DNM1L: variants seen among roughly 807,000 people sequenced by gnomAD.
The protein encoded by DNM1L is dynamin 1L, also known as dynamin-1-like protein.
A neutral mutation model predicts 92.8 loss-of-function variants in DNM1L; 33 were observed. That is an observed-to-expected ratio of 0.36 (90% CI 0.27 to 0.48). DNM1L has a LOEUF of 0.48. DNM1L is among the 20% of genes least tolerant of loss of function. The probability of loss-of-function intolerance (pLI) is 0.99; values close to 1 mark genes in which losing one functional copy is unlikely to be tolerated. For synonymous variants in DNM1L, 284 were observed against 305.0 expected, an observed-to-expected ratio of 0.93 and a Z score of 0.72; for missense variants, 485 against 888.8, an observed-to-expected ratio of 0.55 and a Z score of 5.78.
chr12:32,738,337 G>GT (rs766199610), intron 16 of DNM1L, 41 bp downstream of exon 16: 4 of 1,609,840 alleles, frequency 2.5e-6, no homozygotes, highest in Non-Finnish European at 2.5e-6. Flanking sequence ...GGTACCTTTG[G>GT]TTCTCACTGA....
At chr12:32,730,560 T>C (rs192511475) in intron 9 of DNM1L, among the ~76,000 whole-genome samples, 3 of 152,364 alleles carry the variant, frequency 2.0e-5, no homozygotes, top group South Asian at 2.1e-4. Context: ...TGGCTGCTTA[T>C]GTGCTTAATG....
chr12:32,700,744 A>G (rs749027846), intron 1 of DNM1L, among the ~76,000 whole-genome samples: 1 of 152,016 alleles, frequency 6.6e-6, no homozygotes, highest in Non-Finnish European at 1.5e-5. Context: ...ACACACTGTA[A>G]TAATAATAAT....
At chr12:32,712,674 A>G (rs1254635475) in intron 5 of DNM1L, among the ~76,000 whole-genome samples, 2 of 150,508 alleles carry the variant, frequency 1.3e-5, no homozygotes, top group African/African-American at 4.9e-5. Context: ...AAAAAAAAAA[A>G]AAAAGAAAAA....
intron 1 of DNM1L, among the ~76,000 whole-genome samples, chr12:32,701,014 C>T (rs1952676805): frequency 1.3e-5 from 2 of 152,148 alleles, no homozygotes; most frequent in East Asian, 3.9e-4. Context: ...TGGTGGCTTA[C>T]ACCTGTAATC....
At chr12:32,703,984 C>CTA (rs1353503179) in intron 2 of DNM1L, among the ~76,000 whole-genome samples, 2 of 152,082 alleles carry the variant, frequency 1.3e-5, no homozygotes, top group Non-Finnish European at 2.9e-5. Flanking sequence ...AAAAACAATA[C>CTA]TAAACTATGT....
rs143625321 is a variant in DNM1L at position 32,682,147 on chromosome 12, T to G, written c.102+2682T>G. Among the ~76,000 whole-genome samples, 1,250 of 152,276 alleles carry G rather than the reference T, an allele frequency of 8.2e-3. 21 individuals carry two copies. The highest frequency in any genetic ancestry group is 0.028 in the African/African-American group (1,151 of 41,548). ...TTAAGAATCACTTTGGTTTTTTTTT[T>G]TTGAGACCGAGTTTCGCTCTTGTTG... On this transcript the variant is annotated intron_variant, in intron 1 of 19. Coordinates refer to ENST00000549701, the MANE Select transcript of DNM1L (RefSeq NM_012062.5).
rs1195399097 is a variant in DNM1L, at chr12:32,743,532, C to T, written c.*122C>T. 1.2e-5 allele frequency: 11 copies of T among 923,290 alleles called. No individual in the cohort carries two copies. Among genetic ancestry groups the T allele is most frequent in the African/African-American group, 3.3e-5 (2 of 60,368 alleles). The allele number at this position is 923,290 out of a possible 1,614,324, so 57.2% of individuals were successfully genotyped here. ...TGGTATGAATCTGCTCATGTGGAGA[C>T]TGGCTATAAACTGAAAAGTGTATTC... On this transcript the variant is annotated 3_prime_UTR_variant, in exon 20 of 20. Coordinates refer to ENST00000549701, the MANE Select transcript of DNM1L (RefSeq NM_012062.5).
chr12:32,684,640 T>C (rs1393890497), intron 1 of DNM1L, among the ~76,000 whole-genome samples: 1 of 152,216 alleles, frequency 6.6e-6, no homozygotes, highest in Non-Finnish European at 1.5e-5. Context: ...CTAATTTTTT[T>C]GTATTTTTAG....
chr12:32,679,683 CA>C (rs1951729139), intron 1 of DNM1L: 1 of 1,252,868 alleles, frequency 8.0e-7, no homozygotes, highest in African/African-American at 1.6e-5. Context: ...GGGGCCCGGC[CA>C]GGGGCGGAGC....
chr12:32,698,114 A>G (rs1017994643), intron 1 of DNM1L, among the ~76,000 whole-genome samples: 2 of 152,184 alleles, frequency 1.3e-5, no homozygotes, highest in Non-Finnish European at 2.9e-5. Context: ...TGTTTTACTT[A>G]ATGAGAGGGG....
chr12:32,715,467 T>C (rs1953319682), intron 6 of DNM1L, among the ~76,000 whole-genome samples: 1 of 152,028 alleles, frequency 6.6e-6, no homozygotes, highest in Non-Finnish European at 1.5e-5. Flanking sequence ...GCATGGTGGC[T>C]CACACTTGTA....
At position 32,718,707 on chromosome 12, in the gene DNM1L, T is replaced by A; in HGVS notation, c.684T>A (p.Asp228Glu). 1 of 1,613,906 alleles carries A rather than the reference T, an allele frequency of 6.2e-7. No individual in the cohort carries two copies. The highest frequency in any genetic ancestry group is 8.5e-7 in the Non-Finnish European group (1 of 1,179,894). The change falls in exon 7 of 20, where the codon GAT (aspartate) becomes GAA (glutamate). Residue 228 changes from aspartate to glutamate, a missense_variant. Asp to Glu is a conservative substitution (Grantham distance 45). Transcript: ENST00000549701. ...TGGATGCGGGTACTGATGCCATGGA[T>A]GTATTGATGGGAAGGGTTATTCCAG... ...DLMDAGTDAMDVLMGRVIPVK... is the reference protein window; with the variant it reads ...DLMDAGTDAMEVLMGRVIPVK...
chr12:32,718,586 A>G, intron 6 of DNM1L, 57 bp from the exon 7 acceptor site: 1 of 1,609,540 alleles, frequency 6.2e-7, no homozygotes, highest in South Asian at 1.1e-5. Context: ...AAATAGTTGT[A>G]TTTAATGGAT....
chr12:32,722,900 T>A (rs997694688), intron 9 of DNM1L: 3 of 157,666 alleles, frequency 1.9e-5, no homozygotes, highest in African/African-American at 4.8e-5. Context: ...TTAATAAGTA[T>A]TAAATATTTT....
At chr12:32,682,830 A>G (rs538334344) in intron 1 of DNM1L, among the ~76,000 whole-genome samples, 38 of 152,272 alleles carry the variant, frequency 2.5e-4, no homozygotes, top group African/African-American at 8.7e-4. Flanking sequence ...AGTCATTCAC[A>G]TGTTTTATGT....
intron 12 of DNM1L, 24 bp from the exon 13 acceptor site, chr12:32,733,691 T>A: frequency 6.3e-7 from 1 of 1,589,248 alleles, no homozygotes; most frequent in South Asian, 1.1e-5. Context: ...TTTTTGTATA[T>A]CGCCTAACTT....
chr12:32,707,198 C>A (rs1028871285), intron 2 of DNM1L, 169 bp from the exon 3 acceptor site: 8 of 512,720 alleles, frequency 1.6e-5, no homozygotes, highest in African/African-American at 1.2e-4. Flanking sequence ...GCAGAAAATA[C>A]AATTTTAGAA....
chr12:32,731,705 A>G lies in DNM1L; in HGVS notation c.1357-149A>G. 2.1e-6 allele frequency: 2 copies of G among 972,278 alleles called. No homozygotes were observed. Among genetic ancestry groups the G allele is most frequent in the Non-Finnish European group, 1.6e-6 (1 of 644,744 alleles). 60.2% of individuals were successfully genotyped at this position (972,278 alleles called of 1,614,324 possible). On this transcript the variant is annotated intron_variant, in intron 11 of 19. Coordinates refer to ENST00000549701, the MANE Select transcript of DNM1L (RefSeq NM_012062.5). This position sits in a 1 kb window ranked among gnomAD's most constrained non-coding sequence, Gnocchi z 5.1. ...TTCAGTATTTCTGTGATCATTAAGT[A>G]AAAGAAAATGACTGTTAGCCTGGCA...
intron 9 of DNM1L, chr12:32,727,344 C>T: frequency 1.3e-6 from 1 of 796,264 alleles, no homozygotes; most frequent in South Asian, 1.3e-5. Flanking sequence ...TTTAACTACC[C>T]TAGCTAGGCA....
Sources: allele counts gnomAD v4.1 joint callset (sites outside exome capture counted in the v4.1 genomes callset), GRCh38; gene constraint gnomAD v4.1.1; non-coding constraint Gnocchi (gnomAD v3.1); transcripts MANE v1.5; gene names NCBI Gene and HGNC (gene_info 2026-07-23, HGNC 2026-07-21).